The following ATRX variants were observed in gnomAD, a reference collection of about 807,000 sequenced individuals.
The protein encoded by ATRX is ATRX chromatin remodeler.
A neutral mutation model predicts 172.6 loss-of-function variants in ATRX; 12 were observed. The observed-to-expected ratio is 0.07, with a 90% CI of 0.04 to 0.11. The LOEUF (loss-of-function observed/expected upper bound fraction) is 0.11, where lower values mean the gene tolerates loss of function less well. ATRX is among the 10% of genes least tolerant of loss of function. The pLI, the probability that ATRX is intolerant of heterozygous loss-of-function variation, is 1.00. For synonymous variants in ATRX, 674 were observed against 594.7 expected (o/e 1.13, Z -1.94); for missense variants, 1,368 against 1,767.4 (o/e 0.77, Z 4.05).
chrX:77,657,549 T>C (rs1320418485), intron 12 of ATRX, among the ~76,000 whole-genome samples: 1 of 111,195 alleles, frequency 9.0e-6, no homozygotes, highest in Non-Finnish European at 1.9e-5. Flanking sequence ...ATTTGAGCAA[T>C]AAAATAAATG....
At chrX:77,572,829 T>C (rs1342812159) in intron 28 of ATRX, among the ~76,000 whole-genome samples, 1 of 112,091 alleles carries the variant, frequency 8.9e-6, no homozygotes, top group African/African-American at 3.2e-5. Context: ...TTGTAAGCTC[T>C]CTTAGGCTAC....
intron 17 of ATRX, 127 bp from the exon 18 acceptor site, chrX:77,633,839 A>C (rs1157966136): frequency 1.4e-6 from 1 of 705,763 alleles, no homozygotes; most frequent in East Asian, 3.6e-5. Flanking sequence ...CAAACCAGGC[A>C]AGGCACAGGG....
At chrX:77,545,523 A>G (rs2064204814) in intron 30 of ATRX, among the ~76,000 whole-genome samples, 1 of 112,120 alleles carries the variant, frequency 8.9e-6, no homozygotes, top group Non-Finnish European at 1.9e-5. Context: ...GGAAAAAAAA[A>G]TAACAGTTGA....
At chrX:77,519,444 A>G (rs1282881620) in intron 34 of ATRX, among the ~76,000 whole-genome samples, 1 of 111,263 alleles carries the variant, frequency 9.0e-6, no homozygotes, top group Non-Finnish European at 1.9e-5. Context: ...AATCAACACT[A>G]CAATGAGAGG....
chrX:77,660,381 C>T (rs949612172), intron 12 of ATRX, among the ~76,000 whole-genome samples: 1 of 109,726 alleles, frequency 9.1e-6, no homozygotes, highest in East Asian at 2.8e-4. Context: ...CTGGCTAACA[C>T]GGTGAAACCC....
rs146946480 is a variant in ATRX, at chrX:77,771,662, C to T, written c.20+14320G>A. Among the ~76,000 whole-genome samples the T allele has an allele frequency of 7.8e-3, 866 of 111,091 alleles. 9 individuals carry two copies. The highest frequency in any genetic ancestry group is 0.027 in the African/African-American group (839 of 30,563). ...GAAATTTTTTGCTATTCTTCCACAT[C>T]TCTTGGTTTATATCTCTGTAACTGT... On this transcript the variant is annotated intron_variant, in intron 1 of 34. Coordinates refer to ENST00000373344, the MANE Select transcript of ATRX (RefSeq NM_000489.6).
chrX:77,726,266 A>G (rs1411049507), intron 1 of ATRX, among the ~76,000 whole-genome samples: 2 of 110,883 alleles, frequency 1.8e-5, no homozygotes, highest in African/African-American at 6.6e-5. Context: ...AATGTGGCAC[A>G]TACACACCAT....
chrX:77,741,441 G>T (rs1407251710), intron 1 of ATRX, among the ~76,000 whole-genome samples: 8 of 102,127 alleles, frequency 7.8e-5, no homozygotes, highest in East Asian at 3.0e-4. Context: ...CCTTTTTTTT[G>T]GGGGGGGGAT....
intron 26 of ATRX, among the ~76,000 whole-genome samples, chrX:77,591,476 A>T (rs948888140): frequency 8.9e-6 from 1 of 112,028 alleles, no homozygotes. Context: ...GGTACTTATG[A>T]CTCCTGAAGA....
chrX:77,561,213 G>A (rs929806610), intron 28 of ATRX, among the ~76,000 whole-genome samples: 7 of 109,798 alleles, frequency 6.4e-5, no homozygotes, highest in Non-Finnish European at 1.3e-4. Flanking sequence ...AATTATTCCA[G>A]TTATTAATAT....
chrX:77,602,378 CT>C (rs2066713937), intron 22 of ATRX, among the ~76,000 whole-genome samples: 1 of 109,793 alleles, frequency 9.1e-6, no homozygotes, highest in Non-Finnish European at 1.9e-5. Context: ...TTATGTTAAT[CT>C]TTTCAAAGAA....
At chrX:77,523,540 TA>T in intron 30 of ATRX, 139 bp from the exon 31 acceptor site, 3 of 599,673 alleles carry the variant, frequency 5.0e-6, no homozygotes, top group Non-Finnish European at 7.6e-6. Context: ...ACAGATTACC[TA>T]AAAAACAGCA....
chrX:77,578,013 T>C (rs782169663), intron 27 of ATRX, among the ~76,000 whole-genome samples: 46 of 111,277 alleles, frequency 4.1e-4, no homozygotes, highest in Non-Finnish European at 7.9e-4. Flanking sequence ...CCACGTGTCA[T>C]AGGGAGAGAA....
intron 1 of ATRX, among the ~76,000 whole-genome samples, chrX:77,723,236 C>T (rs1249180096): frequency 6.3e-5 from 7 of 111,065 alleles, no homozygotes; most frequent in South Asian, 3.8e-4. Context: ...ATGTAGATGA[C>T]GGGTTGATGG....
chrX:77,529,548 C>T (rs1211658259), intron 30 of ATRX, among the ~76,000 whole-genome samples: 1 of 111,420 alleles, frequency 9.0e-6, no homozygotes, highest in Non-Finnish European at 1.9e-5. Context: ...ATTTCATATA[C>T]AGCCAAACCA....
intron 1 of ATRX, among the ~76,000 whole-genome samples, chrX:77,766,931 T>C (rs1175078320): frequency 1.6e-4 from 18 of 112,141 alleles, no homozygotes; most frequent in African/African-American, 2.3e-4. Flanking sequence ...CTGGGCACCA[T>C]TGAGCACTGA....
chrX:77,765,960 T>C (rs782039893), intron 1 of ATRX, among the ~76,000 whole-genome samples: 62 of 109,693 alleles, frequency 5.7e-4, no homozygotes, highest in African/African-American at 2.0e-3. Context: ...TTAATCCATT[T>C]AACCCTGAGT....
At chrX:77,763,723 C>T (rs1442575870) in intron 1 of ATRX, among the ~76,000 whole-genome samples, 1 of 110,401 alleles carries the variant, frequency 9.1e-6, no homozygotes, top group Non-Finnish European at 1.9e-5. Flanking sequence ...CCTGCCTCAG[C>T]CTCCCAAAGT....
chrX:77,541,946 T>C (rs782445687), intron 30 of ATRX, among the ~76,000 whole-genome samples: 1 of 111,460 alleles, frequency 9.0e-6, no homozygotes, highest in South Asian at 3.8e-4. Context: ...CTATTCAACA[T>C]AGTATTGGAA....
Sources: allele counts gnomAD v4.1 joint callset (sites outside exome capture counted in the v4.1 genomes callset), GRCh38; gene constraint gnomAD v4.1.1; transcripts MANE v1.5; gene names NCBI Gene and HGNC (gene_info 2026-07-23, HGNC 2026-07-21).